Variants in GRM8 observed in about 807,000 individuals in gnomAD.
GRM8 encodes the protein metabotropic glutamate receptor 8.
Under a neutral mutation model 87.2 loss-of-function variants are expected in GRM8, and 47 were observed. The ratio of observed to expected loss-of-function variants is 0.54; its 90% CI spans 0.43 to 0.69. GRM8 has a LOEUF of 0.69. GRM8 is among the 30% of genes least tolerant of loss of function. GRM8 has a pLI of 0.00. For missense variants in GRM8, 1,019 were observed against 1,139.2 expected (o/e 0.89, Z 1.52); for synonymous variants, 396 against 404.5 (o/e 0.98, Z 0.25).
intron 3 of GRM8, among the ~76,000 whole-genome samples, chr7:126,993,600 T>C (rs1438310005): frequency 6.6e-6 from 1 of 152,218 alleles, no homozygotes; most frequent in Non-Finnish European, 1.5e-5. Context: ...CAGGCTTAAA[T>C]CACTGAGACC....
intron 9 of GRM8, among the ~76,000 whole-genome samples, chr7:126,532,066 C>T (rs1054259679): frequency 6.6e-6 from 1 of 152,154 alleles, no homozygotes; most frequent in Non-Finnish European, 1.5e-5. Flanking sequence ...TCCCACTACC[C>T]GAAAAGTGGA....
chr7:127,205,231 C>G (rs1012730854), intron 2 of GRM8, among the ~76,000 whole-genome samples: 1 of 152,140 alleles, frequency 6.6e-6, no homozygotes, highest in African/African-American at 2.4e-5. Flanking sequence ...TTGATTCAAT[C>G]TATATGAATG....
At chr7:127,170,287 G>A (rs1222616917) in intron 2 of GRM8, among the ~76,000 whole-genome samples, 1 of 152,038 alleles carries the variant, frequency 6.6e-6, no homozygotes, top group East Asian at 1.9e-4. Flanking sequence ...AAACCATAAT[G>A]TGACACCAAC....
At chr7:126,870,544 T>C (rs917704442) in intron 6 of GRM8, 1 of 152,128 alleles carries the variant, frequency 6.6e-6, no homozygotes, top group Non-Finnish European at 1.5e-5. Context: ...GTAGGGTTAT[T>C]AATTGGCCAA....
intron 7 of GRM8, among the ~76,000 whole-genome samples, chr7:126,656,374 T>C (rs12706740): frequency 0.31 from 47,298 of 152,018 alleles, 7,910 homozygotes; most frequent in Admixed American, 0.41. Context: ...TCATGTTATT[T>C]TGGAAGCAAG....
intron 7 of GRM8, among the ~76,000 whole-genome samples, chr7:126,693,615 C>A (rs997879174): frequency 6.6e-6 from 1 of 152,048 alleles, no homozygotes; most frequent in African/African-American, 2.4e-5. Flanking sequence ...AAAATAGGTA[C>A]AAATACTTTT....
intron 8 of GRM8, among the ~76,000 whole-genome samples, chr7:126,547,494 T>A (rs901900459): frequency 1.3e-5 from 2 of 151,864 alleles, no homozygotes; most frequent in African/African-American, 4.8e-5. Flanking sequence ...TTATTATTCA[T>A]AATAAATTAT....
At chr7:127,063,009 T>G (rs188471947) in intron 3 of GRM8, among the ~76,000 whole-genome samples, 65 of 152,212 alleles carry the variant, frequency 4.3e-4, no homozygotes, top group African/African-American at 1.5e-3. Flanking sequence ...TCCCAGCACT[T>G]TGGGAGGCTG....
At chr7:126,794,000 T>C (rs1329391842) in intron 6 of GRM8, among the ~76,000 whole-genome samples, 2 of 152,260 alleles carry the variant, frequency 1.3e-5, no homozygotes, top group South Asian at 4.1e-4. Flanking sequence ...TTAATAGCAG[T>C]AGAGATTTCC....
At chr7:126,700,750 ACAAG>A (rs1809834971) in intron 7 of GRM8, among the ~76,000 whole-genome samples, 1 of 152,130 alleles carries the variant, frequency 6.6e-6, no homozygotes. Flanking sequence ...ATTCAGTCAA[ACAAG>A]CAGTTACCTT....
Position 126,907,117 on chromosome 7 carries a change from A to AGAGGAAGAGGAAGAAG in GRM8, c.728-2450_728-2435dup, listed in dbSNP as rs1019086311. Among the ~76,000 whole-genome samples, 7 of 150,828 alleles carry AGAGGAAGAGGAAGAAG rather than the reference A, an allele frequency of 4.6e-5. No homozygotes were observed. The East Asian group carries it at 7.7e-4, about 17-fold the overall frequency. On this transcript the variant is annotated intron_variant, in intron 3 of 10. Transcript: ENST00000339582. The stretch of plus-strand genomic sequence containing the variant: ...AAGAGCAGGAGAAGGAGGAGGAGAA[A>AGAGGAAGAGGAAGAAG]GAGGAAGAGGAAGAAGGAGGAAGAG...
chr7:126,492,598 T>C (rs1808150662), intron 9 of GRM8, among the ~76,000 whole-genome samples: 1 of 152,066 alleles, frequency 6.6e-6, no homozygotes, highest in Non-Finnish European at 1.5e-5. Flanking sequence ...CAGTTCTTTA[T>C]TAATATAGTT....
chr7:126,710,264 T>G (rs1355783608), intron 7 of GRM8, among the ~76,000 whole-genome samples: 1 of 152,136 alleles, frequency 6.6e-6, no homozygotes, highest in African/African-American at 2.4e-5. Context: ...AAGGTTGGAA[T>G]TGTGTGGCAA....
chr7:126,821,179 A>G (rs981533435), intron 6 of GRM8, among the ~76,000 whole-genome samples: 2 of 152,326 alleles, frequency 1.3e-5, no homozygotes, highest in African/African-American at 4.8e-5. Flanking sequence ...ATTACCACAG[A>G]TGCAATGTCA....
chr7:126,853,011 A>T (rs914280415), intron 6 of GRM8, among the ~76,000 whole-genome samples: 1 of 152,198 alleles, frequency 6.6e-6, no homozygotes, highest in Non-Finnish European at 1.5e-5. Context: ...CATCCGCATT[A>T]TTTTCAAAGT....
intron 6 of GRM8, among the ~76,000 whole-genome samples, chr7:126,854,848 A>G (rs1797533190): frequency 6.6e-6 from 1 of 152,190 alleles, no homozygotes; most frequent in African/African-American, 2.4e-5. Context: ...CATATCAAAA[A>G]TATTTTCTAG....
intron 2 of GRM8, among the ~76,000 whole-genome samples, chr7:127,219,174 T>A (rs909969096): frequency 3.3e-5 from 5 of 151,758 alleles, no homozygotes; most frequent in Non-Finnish European, 7.4e-5. Flanking sequence ...TTTTACAACA[T>A]CAATCATCAT....
At chr7:126,445,626 G>T (rs936716923) in intron 10 of GRM8, among the ~76,000 whole-genome samples, 1 of 152,040 alleles carries the variant, frequency 6.6e-6, no homozygotes, top group Non-Finnish European at 1.5e-5. Context: ...CCACGTGGGA[G>T]AAACAAGTAT....
intron 8 of GRM8, among the ~76,000 whole-genome samples, chr7:126,561,536 C>G (rs201469548): frequency 1.3e-5 from 2 of 152,016 alleles, no homozygotes; most frequent in East Asian, 3.9e-4. Context: ...AAAACAATAA[C>G]ACAATGGTCT....
Sources: allele counts gnomAD v4.1 joint callset (sites outside exome capture counted in the v4.1 genomes callset), GRCh38; gene constraint gnomAD v4.1.1; transcripts MANE v1.5; gene names NCBI Gene and HGNC (gene_info 2026-07-23, HGNC 2026-07-21).